The following PGGT1B variants were observed in gnomAD, a reference collection of about 807,000 sequenced individuals.
PGGT1B encodes the protein geranylgeranyl transferase type-1 subunit beta.
In PGGT1B, 30 loss-of-function variants were observed where a neutral mutation model predicts 46.1. The observed-to-expected ratio is 0.65, with a 90% CI of 0.49 to 0.88. PGGT1B has a LOEUF of 0.88. Among genes scored for constraint, PGGT1B ranks in the 40% least tolerant of loss-of-function variants. PGGT1B has a pLI of 0.00. For missense variants in PGGT1B, 376 were observed against 455.9 expected (o/e 0.82, Z 1.60); for synonymous variants, 170 against 160.0 (o/e 1.06, Z -0.47).
At position 115,209,364 on chromosome 5, in the gene PGGT1B, A is replaced by T. The variant is rs1426814841; in HGVS notation, c.*3038T>A. ...CATATTGCTTTAACATTCATCTGCA[A>T]ATGAGATTCTGTAGTCACTTCCCAG... On this transcript the variant is annotated 3_prime_UTR_variant, in exon 9 of 9. Transcript: ENST00000419445. 1 of 152,080 alleles carries T rather than the reference A, an allele frequency of 6.6e-6. No individual in the cohort carries two copies. The highest frequency in any genetic ancestry group is 1.5e-5 in the Non-Finnish European group (1 of 67,996). The allele number at this position is 152,080 out of a possible 1,614,324, so 9.4% of individuals were successfully genotyped here.
intron 5 of PGGT1B, among the ~76,000 whole-genome samples, chr5:115,235,807 T>G (rs1279303931): frequency 6.6e-6 from 1 of 152,120 alleles, no homozygotes; most frequent in African/African-American, 2.4e-5. Context: ...CATTTTCATT[T>G]TGAAATATTG....
At chr5:115,248,933 C>T (rs1747973143) in intron 2 of PGGT1B, among the ~76,000 whole-genome samples, 2 of 152,066 alleles carry the variant, frequency 1.3e-5, no homozygotes, top group Non-Finnish European at 2.9e-5. Context: ...ATTATTTCTT[C>T]CATTAGCAAA....
chr5:115,244,585 G>T (rs181133768), intron 2 of PGGT1B, among the ~76,000 whole-genome samples: 8 of 147,984 alleles, frequency 5.4e-5, no homozygotes, highest in Admixed American at 4.7e-4. Context: ...ACCAAGTTAT[G>T]AATTCATTTA....
chr5:115,256,491 A>G (rs1748319257), intron 1 of PGGT1B, among the ~76,000 whole-genome samples: 1 of 152,206 alleles, frequency 6.6e-6, no homozygotes, highest in African/African-American at 2.4e-5. Flanking sequence ...TTTTCAACTC[A>G]TAGGTGAAGA....
intron 1 of PGGT1B, among the ~76,000 whole-genome samples, chr5:115,260,230 T>G (rs1024311275): frequency 6.6e-6 from 1 of 152,192 alleles, no homozygotes; most frequent in Admixed American, 6.5e-5. Context: ...AAGAGTAATT[T>G]TGCCAAAATG....
chr5:115,217,748 T>C (rs776978692), intron 7 of PGGT1B, among the ~76,000 whole-genome samples: 19 of 151,938 alleles, frequency 1.3e-4, no homozygotes, highest in Admixed American at 1.3e-4. Flanking sequence ...CATAAGAAAG[T>C]TATGGTACAA....
At chr5:115,220,972 C>G (rs1390346070) in intron 7 of PGGT1B, among the ~76,000 whole-genome samples, 1 of 151,924 alleles carries the variant, frequency 6.6e-6, no homozygotes, top group Non-Finnish European at 1.5e-5. Context: ...TGTTATTATA[C>G]CTTTCTCTTT....
At position 115,208,031 on chromosome 5, in the gene PGGT1B, T is replaced by C. The variant is rs2126980952; in HGVS notation, c.*4371A>G. 6.6e-6 allele frequency: 1 copy of C among 152,160 alleles called. No individual in the cohort carries two copies. The highest frequency in any genetic ancestry group is 2.1e-4 in the South Asian group (1 of 4,824). The allele number at this position is 152,160 out of a possible 1,614,324, so 9.4% of individuals were successfully genotyped here. A position where few individuals can be genotyped will look rare whatever the true frequency, so the allele number is the denominator to read the frequency against. Reference sequence around the variant, plus strand: ...TCTTAATATGAATAGTAACAGATTATCTAGTATTGAACTACCCTTGCATTC... The same window carrying C: ...TCTTAATATGAATAGTAACAGATTACCTAGTATTGAACTACCCTTGCATTC... On this transcript the variant is annotated 3_prime_UTR_variant, in exon 9 of 9. Coordinates refer to ENST00000419445, the MANE Select transcript of PGGT1B (RefSeq NM_005023.4).
chr5:115,249,541 G>A (rs1211990304), intron 2 of PGGT1B, among the ~76,000 whole-genome samples: 1 of 152,088 alleles, frequency 6.6e-6, no homozygotes, highest in African/African-American at 2.4e-5. Flanking sequence ...GGTTTGGTGG[G>A]AGTCAGGGTA....
chr5:115,256,682 T>G (rs1472586124), intron 1 of PGGT1B, among the ~76,000 whole-genome samples: 3 of 152,110 alleles, frequency 2.0e-5, no homozygotes, highest in Non-Finnish European at 4.4e-5. Flanking sequence ...ACATCAGAAT[T>G]CTCAAGTAGT....
rs566531080 is a variant in PGGT1B, at chr5:115,228,881, T to C, written c.658+2095A>G. On this transcript the variant is annotated intron_variant, in intron 6 of 8. Transcript: ENST00000419445. Reference sequence around the variant, plus strand: ...TTGGATTTGAAATACAGATCACTCATGACTTTCAAAGACAAACTTCCTAAG... The same window carrying C: ...TTGGATTTGAAATACAGATCACTCACGACTTTCAAAGACAAACTTCCTAAG... 3.9e-5 allele frequency among the ~76,000 whole-genome samples: 6 copies of C among 152,264 alleles called. No individual in the cohort carries two copies. The East Asian group carries it at 9.7e-4, about 24-fold the overall frequency.
chr5:115,247,212 C>A (rs993519828), intron 2 of PGGT1B, among the ~76,000 whole-genome samples: 1 of 151,978 alleles, frequency 6.6e-6, no homozygotes, highest in African/African-American at 2.4e-5. Context: ...CTTTAAAAAA[C>A]GGTTATAAAC....
chr5:115,254,237 G>C (rs1748219660), intron 1 of PGGT1B, among the ~76,000 whole-genome samples: 1 of 151,856 alleles, frequency 6.6e-6, no homozygotes, highest in African/African-American at 2.4e-5. Flanking sequence ...TAGTACTACA[G>C]GTTGAGTATC....
chr5:115,206,160 T>C lies in PGGT1B; in HGVS notation c.*6242A>G, dbSNP rs769425756. The stretch of plus-strand genomic sequence containing the variant: ...CTATTTGTATAAGTATATATTGTAT[T>C]GGGATGAGTAATACTTAAATGTTCA... On this transcript the variant is annotated 3_prime_UTR_variant, in exon 9 of 9. Transcript: ENST00000419445. The C allele has an allele frequency of 6.6e-6, 1 of 151,904 alleles. No individual in the cohort carries two copies. Among genetic ancestry groups the C allele is most frequent in the Non-Finnish European group, 1.5e-5 (1 of 67,862 alleles). 9.4% of individuals were successfully genotyped at this position (151,904 alleles called of 1,614,324 possible).
At chr5:115,234,653 A>G (rs762827339) in intron 5 of PGGT1B, among the ~76,000 whole-genome samples, 100 of 152,048 alleles carry the variant, frequency 6.6e-4, no homozygotes, top group South Asian at 2.1e-4. Flanking sequence ...CTTCTTAAAT[A>G]TAGTACTTTG....
rs1358489037 is a variant in PGGT1B at position 115,221,851 on chromosome 5, A to G, written c.816T>C (p.Tyr272=). The change falls in exon 7 of 9, where the codon TAT becomes TAC. Residue 272 remains tyrosine (Y), a synonymous_variant. Transcript: ENST00000419445. ...GRPNKPVDTC[Y]SFWVGATLKL... ...TCAGAGTTGCTCCCACCCAAAAAGA[A>G]TAACAGGTGTCTACAGGCTTATTAG... is the stretch of plus-strand genomic sequence containing the variant. The G allele has an allele frequency of 2.5e-6, 4 of 1,594,008 alleles. No homozygotes were observed. The highest frequency in any genetic ancestry group is 2.7e-5 in the African/African-American group (2 of 73,530).
rs1756599845 is a variant in PGGT1B, at chr5:115,221,873, T to G, written c.794A>C (p.Asn265Thr). Residue 265 changes from asparagine (N) to threonine (T), a missense_variant, in exon 7 of 9, where the codon AAT becomes ACT. Asn to Thr is a moderately conservative substitution (Grantham distance 65). Transcript: ENST00000419445. ...AGAATAACAGGTGTCTACAGGCTTATTAGGTCTTCCATGATAACCATTTTG... is the reference window on the plus strand; with the variant it reads ...AGAATAACAGGTGTCTACAGGCTTAGTAGGTCTTCCATGATAACCATTTTG... ...RQQNGYHGRP[N>T]KPVDTCYSFW... The G allele has an allele frequency of 6.2e-7, 1 of 1,609,194 alleles. No individual in the cohort carries two copies. The highest frequency in any genetic ancestry group is 8.5e-7 in the Non-Finnish European group (1 of 1,177,926).
intron 4 of PGGT1B, among the ~76,000 whole-genome samples, chr5:115,237,305 A>T (rs886299191): frequency 1.3e-5 from 2 of 152,120 alleles, no homozygotes; most frequent in African/African-American, 4.8e-5. Context: ...TCTTTTCACT[A>T]CTGCTTTATC....
intron 2 of PGGT1B, among the ~76,000 whole-genome samples, chr5:115,250,190 G>A (rs1024319791): frequency 6.6e-6 from 1 of 152,034 alleles, no homozygotes; most frequent in African/African-American, 2.4e-5. Flanking sequence ...ATTTCTAGAT[G>A]TTATAATTCC....
Sources: gnomAD v4.1 joint callset for allele counts (sites outside exome capture counted in the v4.1 genomes callset) on GRCh38, gnomAD v4.1.1 for gene constraint, MANE v1.5 for transcripts, NCBI Gene and HGNC (gene_info 2026-07-23, HGNC 2026-07-21) for gene names.